GPSM1: variants seen among roughly 807,000 people sequenced by gnomAD.
GPSM1 encodes G protein-signaling modulator 1.
In GPSM1, 48 loss-of-function variants were observed where a neutral mutation model predicts 70.5. The observed-to-expected ratio is 0.68, with a 90% CI of 0.54 to 0.87. GPSM1 has a LOEUF of 0.87. Ranked by LOEUF, GPSM1 falls within the 40% of genes least tolerant of loss-of-function variation. GPSM1 has a pLI of 0.00. For missense variants in GPSM1, 981 were observed against 972.6 expected (o/e 1.01, Z -0.11); for synonymous variants, 416 against 430.1 (o/e 0.97, Z 0.41).
Position 136,327,781 on chromosome 9 carries a change from C to CGGGGCT in GPSM1, c.68+23_68+24insTGGGGC. Reference sequence around the variant, plus strand: ...TACTCCAGGTAGGACGGGCCGGGGCCGGGGCCGGGGCCGGGGCTGGGACCG... The same window carrying CGGGGCT: ...TACTCCAGGTAGGACGGGCCGGGGCCGGGGCTGGGGCCGGGGCCGGGGCTGGGACCG... On this transcript the variant is annotated intron_variant, in intron 1 of 13. Transcript: ENST00000440944. The CGGGGCT allele has an allele frequency of 1.9e-6, 2 of 1,038,292 alleles. No homozygotes were observed. Among genetic ancestry groups the CGGGGCT allele is most frequent in the Non-Finnish European group, 1.2e-6 (1 of 825,626 alleles). 64.3% of individuals were successfully genotyped at this position (1,038,292 alleles called of 1,614,324 possible).
rs557767507 is a variant in GPSM1, at chr9:136,349,256, C to T, written c.1279-331C>T. ...GGCCAGCAGCCTGATCTCTCTGAGC[C>T]TCTGGTTCCTCTGGTGTGGCCTGTG... On this transcript the variant is annotated intron_variant, in intron 10 of 13. Coordinates refer to ENST00000440944, the MANE Select transcript of GPSM1 (RefSeq NM_001145638.3). Among the ~76,000 whole-genome samples the T allele has an allele frequency of 4.6e-5, 7 of 152,386 alleles. No homozygotes were observed. In the South Asian group the frequency reaches 1.4e-3, roughly 32 times the overall value.
intron 11 of GPSM1, among the ~76,000 whole-genome samples, chr9:136,353,380 G>T (rs782431862): frequency 6.6e-6 from 1 of 152,208 alleles, no homozygotes; most frequent in Non-Finnish European, 1.5e-5. Context: ...GTTAGAGCAG[G>T]GAGGCGGAAC....
At chr9:136,329,765 C>T (rs1318742229) in intron 1 of GPSM1, among the ~76,000 whole-genome samples, 1 of 152,088 alleles carries the variant, frequency 6.6e-6, no homozygotes, top group African/African-American at 2.4e-5. Context: ...CATGAGCCCA[C>T]TGGGTACCCT....
chr9:136,334,347 G>A, intron 1 of GPSM1, 100 bp from the exon 2 acceptor site: 1 of 777,594 alleles, frequency 1.3e-6, no homozygotes, highest in Non-Finnish European at 2.1e-6. Flanking sequence ...GTGTGCCCTA[G>A]CCCACCCAGG....
chr9:136,336,134 A>C (rs782106920), intron 3 of GPSM1, 33 bp downstream of exon 3: 2 of 1,598,052 alleles, frequency 1.3e-6, no homozygotes, highest in Non-Finnish European at 1.7e-6. Flanking sequence ...GGTGTCTCCC[A>C]CCCCTGCACC....
At chr9:136,350,855 G>C (rs1428053109) in intron 11 of GPSM1, among the ~76,000 whole-genome samples, 3 of 152,206 alleles carry the variant, frequency 2.0e-5, no homozygotes, top group Non-Finnish European at 4.4e-5. Context: ...CAAGTGTATG[G>C]GTGGACGGAC....
intron 10 of GPSM1, among the ~76,000 whole-genome samples, chr9:136,349,257 T>C (rs1417535725): frequency 6.6e-6 from 1 of 152,238 alleles, no homozygotes; most frequent in Non-Finnish European, 1.5e-5. Flanking sequence ...TCTCTGAGCC[T>C]CTGGTTCCTC....
chr9:136,353,509 G>A (rs1400260381), intron 11 of GPSM1, among the ~76,000 whole-genome samples: 10 of 152,210 alleles, frequency 6.6e-5, no homozygotes, highest in Non-Finnish European at 1.2e-4. Context: ...GCCTTTCCCC[G>A]TACCAGGCAC....
In GPSM1 at chr9:136,336,993, G is replaced by A. The variant is rs1554769349; in HGVS notation, c.499G>A (p.Ala167Thr). ...CAAAGGCAAGCAACTGTCCTGGAACGCCGCAAACGCCACGCAGGACCCCGG... is the reference window on the plus strand; with the variant it reads ...CAAAGGCAAGCAACTGTCCTGGAACACCGCAAACGCCACGCAGGACCCCGG... ...HAKGKQLSWN[A>T]ANATQDPGHL... Residue 167 changes from alanine to threonine, a missense_variant, in exon 4 of 14, where the codon GCC (alanine) becomes ACC (threonine). Coordinates refer to ENST00000440944, the MANE Select transcript of GPSM1 (RefSeq NM_001145638.3). 3 of 1,553,960 alleles carry A rather than the reference G, an allele frequency of 1.9e-6. No individual in the cohort carries two copies. Among genetic ancestry groups the A allele is most frequent in the African/African-American group, 2.7e-5 (2 of 73,326 alleles).
chr9:136,332,016 C>T (rs1445385162), intron 1 of GPSM1: 4 of 398,450 alleles, frequency 1.0e-5, no homozygotes, highest in African/African-American at 6.2e-5. Flanking sequence ...GATGCCATCC[C>T]CTGCTGGGGA....
Position 136,358,584 on chromosome 9 carries a change from C to T in GPSM1, c.*364C>T. The T allele has an allele frequency of 2.6e-6, 1 of 391,262 alleles. No individual in the cohort carries two copies. Among genetic ancestry groups the T allele is most frequent in the Non-Finnish European group, 4.6e-6 (1 of 217,028 alleles). 24.2% of individuals were successfully genotyped at this position (391,262 alleles called of 1,614,324 possible). On this transcript the variant is annotated 3_prime_UTR_variant, in exon 14 of 14. Coordinates refer to ENST00000440944, the MANE Select transcript of GPSM1 (RefSeq NM_001145638.3). The stretch of plus-strand genomic sequence containing the variant: ...ACCCTGCTGTCTCCCCCACCCTCCC[C>T]AAAGGTGTCTCTGAGCCGCCTCTTG...
rs1187020018 is a variant in GPSM1, at chr9:136,341,397, G to A, written c.1207+404G>A. 7.1e-7 allele frequency: 1 copy of A among 1,406,878 alleles called. No homozygotes were observed. The highest frequency in any genetic ancestry group is 3.1e-5 in the Admixed American group (1 of 32,758). The allele number at this position is 1,406,878 out of a possible 1,614,324, so 87.1% of individuals were successfully genotyped here. ...GGGCTGGGCTGGGCTGGGCTGGGCT[G>A]TGGGAGCCCTATGTGCCTGGGGCAG... On this transcript the variant is annotated intron_variant, in intron 9 of 13. Transcript: ENST00000440944. This position sits in a 1 kb window ranked among gnomAD's most constrained non-coding sequence, Gnocchi z 6.7.
intron 13 of GPSM1, among the ~76,000 whole-genome samples, chr9:136,356,778 T>A (rs1157633930): frequency 2.0e-5 from 3 of 152,030 alleles, no homozygotes; most frequent in African/African-American, 4.8e-5. Context: ...AGACCCCCCC[T>A]GGCAACCCCA....
intron 1 of GPSM1, among the ~76,000 whole-genome samples, chr9:136,328,891 C>T (rs1172205763): frequency 2.0e-5 from 3 of 152,220 alleles, no homozygotes; most frequent in African/African-American, 7.2e-5. Context: ...ATCTGATCGG[C>T]TGTGCAGGGC....
At chr9:136,333,497 G>T (rs782705407) in intron 1 of GPSM1, among the ~76,000 whole-genome samples, 3 of 152,124 alleles carry the variant, frequency 2.0e-5, no homozygotes, top group Non-Finnish European at 4.4e-5. Flanking sequence ...GGTGAGCAGG[G>T]CTAGGGTGGC....
chr9:136,355,758 C>G lies in GPSM1; in HGVS notation c.1524C>G (p.Ser508Arg). The change falls in exon 12 of 14, where the codon AGC (serine) becomes AGG (arginine). Residue 508 changes from serine to arginine, a missense_variant. Physicochemically the swap from Ser to Arg is moderately radical, Grantham distance 110. Transcript: ENST00000440944. ...FFDLLTKFQSSRMDDQRCPLD... is the reference protein window; with the variant it reads ...FFDLLTKFQSRRMDDQRCPLD... ...ACCTGTTGACCAAGTTCCAGAGCAG[C>G]CGCATGGACGACCAGCGTTGTCCCC... 1 of 1,612,248 alleles carries G rather than the reference C, an allele frequency of 6.2e-7. No homozygotes were observed. The highest frequency in any genetic ancestry group is 8.5e-7 in the Non-Finnish European group (1 of 1,179,372).
At chr9:136,330,978 G>A (rs543649448) in intron 1 of GPSM1, among the ~76,000 whole-genome samples, 68 of 152,266 alleles carry the variant, frequency 4.5e-4, no homozygotes, top group African/African-American at 1.6e-3. Context: ...AAGGTAAGGA[G>A]GAGAGAGCCC....
intron 13 of GPSM1, 130 bp from the exon 14 acceptor site, chr9:136,357,884 C>A (rs1363985706): frequency 1.9e-5 from 13 of 691,628 alleles, no homozygotes; most frequent in Non-Finnish European, 3.1e-5. Context: ...GGCCCCAGAA[C>A]CAATTTCCTG....
rs1317632492 is a variant in GPSM1 at position 136,359,516 on chromosome 9, G to C, written c.*1296G>C. The C allele has an allele frequency of 6.6e-6, 1 of 152,348 alleles. No individual in the cohort carries two copies. The highest frequency in any genetic ancestry group is 2.4e-5 in the African/African-American group (1 of 41,442). The allele number at this position is 152,348 out of a possible 1,614,324, so 9.4% of individuals were successfully genotyped here. ...ATGTGCGTATTTATTGCTCACGTCT[G>C]TGCCATGTTGTCAATGGGTCCTTTC... On this transcript the variant is annotated 3_prime_UTR_variant, in exon 14 of 14. Coordinates refer to ENST00000440944, the MANE Select transcript of GPSM1 (RefSeq NM_001145638.3).
Sources: allele counts gnomAD v4.1 joint callset (sites outside exome capture counted in the v4.1 genomes callset), GRCh38; gene constraint gnomAD v4.1.1; non-coding constraint Gnocchi (gnomAD v3.1); transcripts MANE v1.5; gene names NCBI Gene and HGNC (gene_info 2026-07-23, HGNC 2026-07-21).